The following MAP9 variants were observed in gnomAD, a reference collection of about 807,000 sequenced individuals.
The protein encoded by MAP9 is microtubule associated protein 9, also known as microtubule-associated protein 9.
A neutral mutation model predicts 75.2 loss-of-function variants in MAP9; 80 were observed. The observed-to-expected ratio is 1.06, with a 90% CI of 0.89 to 1.28. The LOEUF is 1.28. Ranked by LOEUF, MAP9 falls within the 50% of genes most tolerant of loss-of-function variation. The probability of loss-of-function intolerance (pLI) is 0.00; values close to 1 mark genes in which losing one functional copy is unlikely to be tolerated. For synonymous variants in MAP9, 235 were observed against 237.3 expected, an observed-to-expected ratio of 0.99 and a Z score of 0.09; for missense variants, 753 against 719.9, an observed-to-expected ratio of 1.05 and a Z score of -0.53.
intron 5 of MAP9, 55 bp from the exon 6 acceptor site, chr4:155,362,196 T>G: frequency 9.7e-7 from 1 of 1,032,178 alleles, no homozygotes; most frequent in Non-Finnish European, 1.4e-6. Flanking sequence ...TTAACATTTA[T>G]GGGAACAATA....
At chr4:155,348,328 C>A (rs929616351) in intron 13 of MAP9, among the ~76,000 whole-genome samples, 2 of 151,736 alleles carry the variant, frequency 1.3e-5, no homozygotes, top group African/African-American at 4.8e-5. Context: ...CAGAGTGAGA[C>A]CCTGTCTCAA....
chr4:155,374,108 A>G (rs1732726671), intron 3 of MAP9, among the ~76,000 whole-genome samples: 1 of 152,178 alleles, frequency 6.6e-6, no homozygotes, highest in Non-Finnish European at 1.5e-5. Context: ...TGGGAGGCTG[A>G]GGCGGGCGGA....
intron 7 of MAP9, among the ~76,000 whole-genome samples, chr4:155,359,726 A>C (rs1731979290): frequency 6.6e-6 from 1 of 152,060 alleles, no homozygotes; most frequent in South Asian, 2.1e-4. Flanking sequence ...TATTTTAAAG[A>C]AGCACAGATG....
At chr4:155,352,879 A>T in intron 12 of MAP9, 33 bp downstream of exon 12, 1 of 1,459,200 alleles carries the variant, frequency 6.9e-7, no homozygotes, top group Non-Finnish European at 9.2e-7. Context: ...CTATAATTTA[A>T]AATATATCAA....
At chr4:155,355,591 CTCTT>C (rs1560805852) in intron 9 of MAP9, 121 bp downstream of exon 9, 6 of 139,324 alleles carry the variant, frequency 4.3e-5, no homozygotes, top group African/African-American at 2.4e-4. Flanking sequence ...TAAAAGGAAA[CTCTT>C]TCTCAATAAA....
chr4:155,349,692 A>G (rs1347362662), intron 13 of MAP9: 6 of 152,344 alleles, frequency 3.9e-5, no homozygotes, highest in African/African-American at 1.4e-4. Flanking sequence ...TTTAATTGAG[A>G]AAAGCAAAGC....
At chr4:155,371,064 A>C (rs1043927966) in intron 4 of MAP9, among the ~76,000 whole-genome samples, 3 of 152,214 alleles carry the variant, frequency 2.0e-5, no homozygotes, top group Non-Finnish European at 4.4e-5. Context: ...TCATGATTTC[A>C]GTCATGTTAG....
At chr4:155,355,503 C>T (rs1297989415) in intron 9 of MAP9, among the ~76,000 whole-genome samples, 2 of 152,068 alleles carry the variant, frequency 1.3e-5, no homozygotes, top group Admixed American at 6.6e-5. Flanking sequence ...ATGGCATATT[C>T]TTTCTTTAAA....
At chr4:155,366,802 T>C (rs1328279081) in intron 5 of MAP9, among the ~76,000 whole-genome samples, 1 of 152,264 alleles carries the variant, frequency 6.6e-6, no homozygotes, top group East Asian at 1.9e-4. Context: ...AAAAATCAAA[T>C]GTAATGCCAA....
At chr4:155,370,816 G>A (rs533065675) in intron 4 of MAP9, among the ~76,000 whole-genome samples, 3 of 152,210 alleles carry the variant, frequency 2.0e-5, no homozygotes, top group Admixed American at 6.5e-5. Flanking sequence ...ATAAACAAAC[G>A]CTAAATAATA....
chr4:155,368,621 C>T lies in MAP9; in HGVS notation c.673G>A (p.Glu225Lys), dbSNP rs755459385. 1.9e-6 allele frequency: 3 copies of T among 1,614,120 alleles called. No homozygotes were observed. Among genetic ancestry groups the T allele is most frequent in the Non-Finnish European group, 2.5e-6 (3 of 1,180,006 alleles). ...PTPNGIQLEAEKKAFSENLDP... is the reference protein window; with the variant it reads ...PTPNGIQLEAKKKAFSENLDP... ...AGGTTTTCAGAGAATGCTTTTTTCT[C>T]AGCTTCTAATTGTATGCCATTCGGC... The change falls in exon 5 of 14, where the codon GAG becomes AAG. Residue 225 changes from glutamate (E) to lysine (K), a missense_variant. By Grantham distance (56) the Glu-to-Lys change is moderately conservative (BLOSUM62 1). Transcript: ENST00000311277.
chr4:155,347,929 A>G (rs1341135115), intron 13 of MAP9, 24 bp from the exon 14 acceptor site: 2 of 1,333,894 alleles, frequency 1.5e-6, no homozygotes, highest in Admixed American at 2.0e-5. Flanking sequence ...AGAACACTAT[A>G]AATTTATGTA....
chr4:155,365,604 G>A (rs1732287978), intron 5 of MAP9, among the ~76,000 whole-genome samples: 1 of 151,936 alleles, frequency 6.6e-6, no homozygotes. Flanking sequence ...CTAAAGCTGG[G>A]CCATTTAGAA....
chr4:155,371,110 T>G (rs1732572572), intron 4 of MAP9, among the ~76,000 whole-genome samples: 1 of 152,208 alleles, frequency 6.6e-6, no homozygotes, highest in Non-Finnish European at 1.5e-5. Flanking sequence ...AAAAATACTT[T>G]CACTTTATAG....
chr4:155,365,943 G>A (rs904884656), intron 5 of MAP9, among the ~76,000 whole-genome samples: 5 of 151,688 alleles, frequency 3.3e-5, no homozygotes, highest in Non-Finnish European at 5.9e-5. Context: ...TCAAAAAATC[G>A]GGGCCACTAA....
chr4:155,376,143 T>G (rs1732830047), intron 1 of MAP9, among the ~76,000 whole-genome samples: 1 of 152,220 alleles, frequency 6.6e-6, no homozygotes, highest in Admixed American at 6.5e-5. Context: ...TTAAAAAGTC[T>G]GCAAATAAAT....
At chr4:155,365,850 T>TA (rs1375323704) in intron 5 of MAP9, among the ~76,000 whole-genome samples, 2 of 151,878 alleles carry the variant, frequency 1.3e-5, no homozygotes, top group South Asian at 2.1e-4. Context: ...ATTTTTCAAC[T>TA]AAAAAAATAA....
At chr4:155,359,246 C>CACAG (rs1214897495) in intron 7 of MAP9, among the ~76,000 whole-genome samples, 2 of 147,300 alleles carry the variant, frequency 1.4e-5, no homozygotes, top group East Asian at 2.0e-4. Flanking sequence ...CACACACACA[C>CACAG]AGGAATACTA....
intron 5 of MAP9, chr4:155,362,839 T>G (rs534645573): frequency 2.0e-5 from 3 of 152,158 alleles, no homozygotes; most frequent in Non-Finnish European, 4.4e-5. Context: ...GCAAAGGAAA[T>G]TATATGTCAA....
Sources: gnomAD v4.1 joint callset for allele counts (sites outside exome capture counted in the v4.1 genomes callset) on GRCh38, gnomAD v4.1.1 for gene constraint, MANE v1.5 for transcripts, NCBI Gene and HGNC (gene_info 2026-07-23, HGNC 2026-07-21) for gene names.